OSBPL8: variants seen among roughly 807,000 people sequenced by gnomAD.
OSBPL8 encodes oxysterol-binding protein-related protein 8.
In OSBPL8, 59 loss-of-function variants were observed where a neutral mutation model predicts 125.5. The ratio of observed to expected loss-of-function variants is 0.47; its 90% CI spans 0.38 to 0.58. The LOEUF is 0.58. Among genes scored for constraint, OSBPL8 ranks in the 20% least tolerant of loss-of-function variants. The pLI is 0.00. For missense variants in OSBPL8, 758 were observed against 1,047.8 expected (o/e 0.72, Z 3.82); for synonymous variants, 330 against 338.9 (o/e 0.97, Z 0.29).
intron 5 of OSBPL8, among the ~76,000 whole-genome samples, chr12:76,404,466 C>T: frequency 6.6e-6 from 1 of 152,134 alleles, no homozygotes; most frequent in East Asian, 1.9e-4. Context: ...CGTGGGTCCA[C>T]TTATAGGCAG....
chr12:76,392,901 T>C, intron 9 of OSBPL8, 149 bp from the exon 10 acceptor site: 3 of 804,576 alleles, frequency 3.7e-6, no homozygotes, highest in Non-Finnish European at 5.5e-6. Flanking sequence ...TTTAATGAAA[T>C]CTTTCCGTTT....
At chr12:76,500,008 A>G (rs1215519144) in intron 1 of OSBPL8, among the ~76,000 whole-genome samples, 1 of 152,130 alleles carries the variant, frequency 6.6e-6, no homozygotes, top group Admixed American at 6.5e-5. Context: ...GTGTTCAAGC[A>G]TTCATTTCCT....
chr12:76,547,010 C>G lies in OSBPL8; in HGVS notation c.-68+12387G>C, dbSNP rs534748446. On this transcript the variant is annotated intron_variant, in intron 1 of 23. Transcript: ENST00000261183. ...GCCAAATTTGGGGATTTAAGCCTTC[C>G]AAATCACAACCCCTCTGACAGGATT... 5.9e-5 allele frequency among the ~76,000 whole-genome samples: 9 copies of G among 152,256 alleles called. No individual in the cohort carries two copies. In the East Asian group the frequency reaches 1.7e-3, roughly 29 times the overall value.
intron 13 of OSBPL8, 79 bp downstream of exon 13, chr12:76,386,500 C>G: frequency 7.2e-7 from 1 of 1,380,326 alleles, no homozygotes; most frequent in African/African-American, 1.5e-5. Context: ...TAACTGTTAA[C>G]ACACAATCTA....
intron 4 of OSBPL8, among the ~76,000 whole-genome samples, chr12:76,430,661 T>C (rs1870704794): frequency 6.6e-6 from 1 of 152,162 alleles, no homozygotes; most frequent in Admixed American, 6.5e-5. Context: ...AGGAAAACAC[T>C]GTAAGACTAT....
In OSBPL8 at chr12:76,358,580, T is replaced by G. The variant is rs139178780; in HGVS notation, c.2434+126A>C. The G allele has an allele frequency of 3.4e-5, 25 of 730,438 alleles. No homozygotes were observed. The East Asian group carries it at 6.4e-4, about 19-fold the overall frequency. The allele number at this position is 730,438 out of a possible 1,614,324, so 45.2% of individuals were successfully genotyped here. A position where few individuals can be genotyped will look rare whatever the true frequency, so the allele number is the denominator to read the frequency against. ...ACTTATCTATGATCTAGAATTGCTT[T>G]TGTATCTCAACCCTGCCCCGACCAA... On this transcript the variant is annotated intron_variant, in intron 22 of 23. Transcript: ENST00000261183.
intron 3 of OSBPL8, among the ~76,000 whole-genome samples, chr12:76,456,876 C>T (rs1874114982): frequency 6.6e-6 from 1 of 152,128 alleles, no homozygotes; most frequent in Non-Finnish European, 1.5e-5. Context: ...GATGAATCAT[C>T]AGTTTGAAAT....
chr12:76,381,414 G>A (rs1953044841), intron 15 of OSBPL8, among the ~76,000 whole-genome samples: 1 of 152,092 alleles, frequency 6.6e-6, no homozygotes, highest in South Asian at 2.1e-4. Flanking sequence ...CTGATATAAA[G>A]CTATTACAAT....
At chr12:76,450,228 G>C (rs1302154457) in intron 4 of OSBPL8, among the ~76,000 whole-genome samples, 1 of 152,132 alleles carries the variant, frequency 6.6e-6, no homozygotes, top group South Asian at 2.1e-4. Flanking sequence ...AGAGGCCAGG[G>C]ATACTGCTAA....
intron 5 of OSBPL8, among the ~76,000 whole-genome samples, chr12:76,404,641 T>C (rs1330083224): frequency 1.3e-5 from 2 of 152,206 alleles, no homozygotes; most frequent in African/African-American, 4.8e-5. Flanking sequence ...GATGATCCAC[T>C]TCCACTTAAT....
At chr12:76,503,167 C>T (rs1880075951) in intron 1 of OSBPL8, among the ~76,000 whole-genome samples, 1 of 152,112 alleles carries the variant, frequency 6.6e-6, no homozygotes, top group Non-Finnish European at 1.5e-5. Context: ...TCTAGCGTTG[C>T]CATAATAAAA....
At chr12:76,475,649 T>TA (rs748054603) in intron 2 of OSBPL8, among the ~76,000 whole-genome samples, 2 of 152,164 alleles carry the variant, frequency 1.3e-5, no homozygotes, top group East Asian at 3.9e-4. Flanking sequence ...CTTTTGCAAG[T>TA]AAGAACTGAA....
intron 2 of OSBPL8, among the ~76,000 whole-genome samples, chr12:76,466,274 GA>G (rs1413293505): frequency 4.0e-5 from 6 of 151,692 alleles, no homozygotes; most frequent in South Asian, 2.1e-4. Flanking sequence ...TTTACATTTT[GA>G]AAAAAATATA....
chr12:76,365,221 C>T (rs898136290), intron 21 of OSBPL8, among the ~76,000 whole-genome samples: 7 of 152,190 alleles, frequency 4.6e-5, no homozygotes, highest in Admixed American at 3.9e-4. Context: ...AGGTTACAGG[C>T]ATGAGCCACT....
chr12:76,514,330 T>C (rs1442233275), intron 1 of OSBPL8, among the ~76,000 whole-genome samples: 1 of 151,886 alleles, frequency 6.6e-6, no homozygotes, highest in African/African-American at 2.4e-5. Flanking sequence ...TTTTTTGTAT[T>C]TTTAGTAGAG....
chr12:76,378,652 G>A, intron 15 of OSBPL8, 102 bp from the exon 16 acceptor site: 1 of 776,030 alleles, frequency 1.3e-6, no homozygotes, highest in Non-Finnish European at 2.1e-6. Context: ...ACAGTAGAAA[G>A]TCTTAAAAAT....
intron 2 of OSBPL8, among the ~76,000 whole-genome samples, chr12:76,465,704 T>C (rs1875335269): frequency 6.6e-6 from 1 of 151,364 alleles, no homozygotes; most frequent in Non-Finnish European, 1.5e-5. Context: ...AAGCATGTAG[T>C]CATTAAAGTT....
At chr12:76,495,154 T>C (rs1438177999) in intron 1 of OSBPL8, among the ~76,000 whole-genome samples, 1 of 152,244 alleles carries the variant, frequency 6.6e-6, no homozygotes, top group Non-Finnish European at 1.5e-5. Context: ...GGTCCACTAA[T>C]TAAAATAAAA....
chr12:76,356,731 A>C lies in OSBPL8; in HGVS notation c.2435-3T>G, dbSNP rs754812133. On this transcript the variant is annotated splice_polypyrimidine_tract_variant and splice_region_variant and intron_variant, in intron 22 of 23. Transcript: ENST00000261183. ...TGTACTTGGTTTTACTGATTGAGCTAAAAAGACATTTAGAATGAAGTTGAA... is the reference window on the plus strand; with the variant it reads ...TGTACTTGGTTTTACTGATTGAGCTCAAAAGACATTTAGAATGAAGTTGAA... 6.4e-7 allele frequency: 1 copy of C among 1,561,334 alleles called. No individual in the cohort carries two copies. Among genetic ancestry groups the C allele is most frequent in the East Asian group, 2.3e-5 (1 of 44,416 alleles).
Sources: gnomAD v4.1 joint callset for allele counts (sites outside exome capture counted in the v4.1 genomes callset) on GRCh38, gnomAD v4.1.1 for gene constraint, MANE v1.5 for transcripts, NCBI Gene and HGNC (gene_info 2026-07-23, HGNC 2026-07-21) for gene names.